ZCCHC10: variants seen among roughly 807,000 people sequenced by gnomAD.
ZCCHC10 encodes the protein zinc finger CCHC domain-containing protein 10.
ZCCHC10 carries 16 observed loss-of-function variants against 19.5 expected under a neutral mutation model. That is an observed-to-expected ratio of 0.82 (90% CI 0.56 to 1.25). ZCCHC10 has a LOEUF of 1.25. ZCCHC10 is among the 50% of genes most tolerant of loss of function. The pLI, the probability that ZCCHC10 is intolerant of heterozygous loss-of-function variation, is 0.00. For synonymous variants in ZCCHC10, 67 were observed against 72.5 expected (o/e 0.92, Z 0.38); for missense variants, 197 against 201.0 (o/e 0.98, Z 0.12).
chr5:133,015,102 T>C (rs150768460), intron 2 of ZCCHC10, among the ~76,000 whole-genome samples: 1,338 of 132,008 alleles, frequency 0.01, 27 homozygotes, highest in African/African-American at 0.04. Flanking sequence ...TTTTTGAGAC[T>C]AAGTCTTGCT....
intron 3 of ZCCHC10, among the ~76,000 whole-genome samples, chr5:133,002,912 G>A (rs34550358): frequency 0.31 from 47,156 of 151,840 alleles, 8,234 homozygotes; most frequent in African/African-American, 0.48. Context: ...TAGAGATGGC[G>A]TTTCACCATG....
chr5:133,019,144 G>T lies in ZCCHC10; in HGVS notation c.107+3697C>A, dbSNP rs1041046372. ...CACGCCTATAATCCTGGCACTTTGA[G>T]AGGCCAAGGCAGGATCACCCGAGCT... On this transcript the variant is annotated intron_variant, in intron 2 of 4. Transcript: ENST00000509437. 6.7e-6 allele frequency: 3 copies of T among 445,044 alleles called. 1 individual carries two copies. The highest frequency in any genetic ancestry group is 1.3e-5 in the Non-Finnish European group (3 of 223,862). The allele number at this position is 445,044 out of a possible 1,614,324, so 27.6% of individuals were successfully genotyped here.
chr5:133,025,514 A>C (rs1293925463), intron 1 of ZCCHC10, among the ~76,000 whole-genome samples: 16 of 141,578 alleles, frequency 1.1e-4, no homozygotes, highest in African/African-American at 4.5e-4. Flanking sequence ...AAAAAAAAAA[A>C]AAAAAAAAAA....
intron 2 of ZCCHC10, among the ~76,000 whole-genome samples, chr5:133,021,568 T>C (rs1764313106): frequency 6.6e-6 from 1 of 152,166 alleles, no homozygotes; most frequent in Non-Finnish European, 1.5e-5. Context: ...CAGCTTTTGG[T>C]AAGCTAATTT....
intron 2 of ZCCHC10, among the ~76,000 whole-genome samples, 162 bp from the exon 3 acceptor site, chr5:133,007,082 A>G (rs1312419575): frequency 1.3e-5 from 2 of 152,210 alleles, no homozygotes; most frequent in Non-Finnish European, 2.9e-5. Flanking sequence ...ACAAAGTATA[A>G]TAAGTGTAAT....
chr5:133,011,855 C>T (rs944581630), intron 2 of ZCCHC10, among the ~76,000 whole-genome samples: 1 of 151,978 alleles, frequency 6.6e-6, no homozygotes, highest in African/African-American at 2.4e-5. Flanking sequence ...CACAGCCAGG[C>T]TTGATGGCTC....
chr5:133,013,806 A>G (rs1014380005), intron 2 of ZCCHC10, among the ~76,000 whole-genome samples: 6 of 152,126 alleles, frequency 3.9e-5, no homozygotes, highest in Non-Finnish European at 5.9e-5. Flanking sequence ...TGGGAAAAAA[A>G]AAAGCCTCAA....
chr5:133,011,733 T>G (rs1317311939), intron 2 of ZCCHC10, among the ~76,000 whole-genome samples: 1 of 151,664 alleles, frequency 6.6e-6, no homozygotes, highest in Admixed American at 6.6e-5. Context: ...AGGTTCAGTA[T>G]TATAAAATGT....
intron 3 of ZCCHC10, among the ~76,000 whole-genome samples, chr5:133,004,374 A>G (rs1294748167): frequency 2.0e-5 from 3 of 152,062 alleles, no homozygotes; most frequent in Non-Finnish European, 4.4e-5. Context: ...GGGTTTCTCC[A>G]TGTTGGTCAT....
chr5:133,010,054 T>TTTTTTC (rs1763393359), intron 2 of ZCCHC10, among the ~76,000 whole-genome samples: 1 of 150,888 alleles, frequency 6.6e-6, no homozygotes, highest in African/African-American at 2.5e-5. Context: ...CAGCAATTTT[T>TTTTTTC]TTTTTTTTTT....
At chr5:133,025,076 A>G (rs2126666300) in intron 1 of ZCCHC10, among the ~76,000 whole-genome samples, 1 of 152,312 alleles carries the variant, frequency 6.6e-6, no homozygotes, top group East Asian at 1.9e-4. Context: ...ATAAAAAGAT[A>G]TACAGATAAA....
intron 3 of ZCCHC10, among the ~76,000 whole-genome samples, chr5:133,001,953 CTTTTTTTTTTTTT>C (rs34331639): frequency 3.9e-5 from 3 of 77,842 alleles, no homozygotes; most frequent in East Asian, 4.1e-4. Flanking sequence ...ATTCAGCAAT[CTTTTTTTTTTTTT>C]TTTTTTTTTT....
At chr5:133,019,766 C>T (rs1238386514) in intron 2 of ZCCHC10, among the ~76,000 whole-genome samples, 2 of 150,858 alleles carry the variant, frequency 1.3e-5, no homozygotes, top group South Asian at 4.2e-4. Flanking sequence ...ACCAGCCTGG[C>T]CAACATGGTA....
At chr5:133,014,455 G>T (rs905916521) in intron 2 of ZCCHC10, among the ~76,000 whole-genome samples, 2 of 152,018 alleles carry the variant, frequency 1.3e-5, no homozygotes, top group South Asian at 2.1e-4. Context: ...GTGAGCCACC[G>T]CGCCCAGACC....
intron 3 of ZCCHC10, among the ~76,000 whole-genome samples, chr5:133,005,563 G>A (rs767389394): frequency 5.3e-5 from 8 of 152,260 alleles, no homozygotes; most frequent in East Asian, 1.9e-4. Flanking sequence ...GCAGTGAGCT[G>A]AGACTGCACT....
intron 3 of ZCCHC10, among the ~76,000 whole-genome samples, chr5:133,002,569 A>C (rs1762843202): frequency 6.6e-6 from 1 of 152,060 alleles, no homozygotes; most frequent in Admixed American, 6.6e-5. Flanking sequence ...TTTTGCTTAC[A>C]TTCCTAATAA....
At chr5:133,006,208 C>G (rs1405185860) in intron 3 of ZCCHC10, among the ~76,000 whole-genome samples, 1 of 152,024 alleles carries the variant, frequency 6.6e-6, no homozygotes, top group Non-Finnish European at 1.5e-5. Flanking sequence ...GTCGGCCTCC[C>G]AAAGTGTTGG....
At chr5:133,006,649 A>T in intron 3 of ZCCHC10, 110 bp downstream of exon 3, 1 of 1,069,792 alleles carries the variant, frequency 9.3e-7, no homozygotes, top group Non-Finnish European at 1.3e-6. Context: ...ATTAAACATT[A>T]GTAACATTAT....
intron 2 of ZCCHC10, among the ~76,000 whole-genome samples, chr5:133,010,580 T>TATATATATATATATATATATATATA (rs1763434056): frequency 6.6e-6 from 1 of 152,166 alleles, no homozygotes. Context: ...GAACCTTATA[T>TATATATATATATATATATATATATA]TAGCTATAGA....
Sources: gnomAD v4.1 joint callset for allele counts (sites outside exome capture counted in the v4.1 genomes callset) on GRCh38, gnomAD v4.1.1 for gene constraint, MANE v1.5 for transcripts, NCBI Gene and HGNC (gene_info 2026-07-23, HGNC 2026-07-21) for gene names.